Variants in ADAMTSL1 observed in about 807,000 individuals in gnomAD.
ADAMTSL1 encodes the protein ADAMTS-like protein 1.
In ADAMTSL1, 126 loss-of-function variants were observed where a neutral mutation model predicts 201.8. That is an observed-to-expected ratio of 0.62 (90% CI 0.54 to 0.72). The LOEUF is 0.72. ADAMTSL1 is among the 30% of genes least tolerant of loss of function. The pLI is 0.00. For synonymous variants in ADAMTSL1, 1,121 were observed against 903.4 expected (o/e 1.24, Z -4.32); for missense variants, 2,679 against 2,277.8 (o/e 1.18, Z -3.59).
At chr9:18,254,004 C>T (rs528353282) in intron 2 of ADAMTSL1, among the ~76,000 whole-genome samples, 1 of 152,300 alleles carries the variant, frequency 6.6e-6, no homozygotes, top group South Asian at 2.1e-4. Flanking sequence ...TGTGTGCAAC[C>T]TGCCACTGTA....
At chr9:18,386,956 G>A (rs1156545477) in intron 2 of ADAMTSL1, among the ~76,000 whole-genome samples, 1 of 152,000 alleles carries the variant, frequency 6.6e-6, no homozygotes, top group Non-Finnish European at 1.5e-5. Flanking sequence ...AAAAATCAAG[G>A]TGTCCAAGAA....
chr9:17,945,623 A>G (rs1827431418), intron 1 of ADAMTSL1, among the ~76,000 whole-genome samples: 1 of 152,324 alleles, frequency 6.6e-6, no homozygotes, highest in South Asian at 2.1e-4. Flanking sequence ...ACACCATGGA[A>G]TACTATGCAG....
chr9:18,670,081 C>A (rs72688669), intron 9 of ADAMTSL1, among the ~76,000 whole-genome samples: 2 of 152,128 alleles, frequency 1.3e-5, no homozygotes, highest in Admixed American at 1.3e-4. Context: ...TTCTATTGCC[C>A]TGAGGTTGTC....
At position 18,402,277 on chromosome 9, in the gene ADAMTSL1, C is replaced by T. The variant is rs544842704; in HGVS notation, c.208-102552C>T. 3.3e-5 allele frequency among the ~76,000 whole-genome samples: 5 copies of T among 152,296 alleles called. No individual in the cohort carries two copies. The East Asian group carries it at 5.8e-4, about 18-fold the overall frequency. On this transcript the variant is annotated intron_variant, in intron 2 of 29. Transcript: ENST00000680146. The stretch of plus-strand genomic sequence containing the variant: ...CCCTTTAAGCCTGACTTGTACTTTG[C>T]GCTTCTCATTTAATTGGTCAATAAA...
At position 18,560,811 on chromosome 9, in the gene ADAMTSL1, C is replaced by A. The variant is rs150395900; in HGVS notation, c.238-13219C>A. Among the ~76,000 whole-genome samples the A allele has an allele frequency of 2.2e-3, 330 of 151,958 alleles. 1 individual carries two copies. Among genetic ancestry groups the A allele is most frequent in the Middle Eastern group, 0.02 (6 of 294 alleles). Reference sequence around the variant, plus strand: ...TTTGCATACAGGTGTTTACAGTATTCTCTGATGGTAGTTTGTATTTCTGTG... The same window carrying A: ...TTTGCATACAGGTGTTTACAGTATTATCTGATGGTAGTTTGTATTTCTGTG... On this transcript the variant is annotated intron_variant, in intron 3 of 28. Coordinates refer to ENST00000380548, the MANE Select transcript of ADAMTSL1 (RefSeq NM_001040272.6).
chr9:18,697,646 A>G (rs1831638066), intron 13 of ADAMTSL1, among the ~76,000 whole-genome samples: 2 of 152,246 alleles, frequency 1.3e-5, no homozygotes, highest in African/African-American at 4.8e-5. Context: ...ATGGAAATGG[A>G]GAGAAGTAAA....
intron 2 of ADAMTSL1, among the ~76,000 whole-genome samples, chr9:18,252,850 C>G (rs890557143): frequency 2.6e-5 from 4 of 152,136 alleles, no homozygotes; most frequent in African/African-American, 9.7e-5. Flanking sequence ...ATAAAATTTA[C>G]AAATACATAT....
intron 20 of ADAMTSL1, among the ~76,000 whole-genome samples, chr9:18,816,304 T>A (rs1823844685): frequency 6.6e-6 from 1 of 152,238 alleles, no homozygotes; most frequent in Non-Finnish European, 1.5e-5. Context: ...TGGTGTGACC[T>A]CGGCTCATTG....
intron 7 of ADAMTSL1, among the ~76,000 whole-genome samples, chr9:18,652,108 C>G (rs972874592): frequency 6.6e-6 from 1 of 151,948 alleles, no homozygotes; most frequent in African/African-American, 2.4e-5. Context: ...TAGATATGCA[C>G]TACAAGCTAA....
rs146866685 is a variant in ADAMTSL1, at chr9:18,099,738, C to T, written c.88-64124C>T. Among the ~76,000 whole-genome samples the T allele has an allele frequency of 8.9e-4, 134 of 150,356 alleles. No homozygotes were observed. In the East Asian group the frequency reaches 0.02, roughly 22 times the overall value. On this transcript the variant is annotated intron_variant, in intron 1 of 29. Transcript: ENST00000680146. ...CTGCAAGCTCTGCCTCCCGGGTTCA[C>T]GCCATTCTCTTGCCTCAGCCTCCCA...
intron 1 of ADAMTSL1, among the ~76,000 whole-genome samples, chr9:18,061,434 A>T (rs1251127176): frequency 6.6e-6 from 1 of 152,100 alleles, no homozygotes; most frequent in East Asian, 1.9e-4. Flanking sequence ...GGTACTATGA[A>T]CTCTTTCTCT....
intron 15 of ADAMTSL1, among the ~76,000 whole-genome samples, chr9:18,739,944 T>C (rs1818724298): frequency 6.6e-6 from 1 of 151,440 alleles, no homozygotes; most frequent in African/African-American, 2.4e-5. Flanking sequence ...TCCCCAGCCC[T>C]GAGGGAATTA....
At chr9:18,134,538 G>A (rs1826077417) in intron 1 of ADAMTSL1, among the ~76,000 whole-genome samples, 2 of 152,196 alleles carry the variant, frequency 1.3e-5, no homozygotes, top group African/African-American at 4.8e-5. Flanking sequence ...TGAGTTAAGT[G>A]GTAATCATCC....
chr9:18,870,612 T>C (rs773342035), intron 23 of ADAMTSL1, among the ~76,000 whole-genome samples: 5 of 152,132 alleles, frequency 3.3e-5, no homozygotes, highest in Non-Finnish European at 7.3e-5. Flanking sequence ...CTCTGACCTC[T>C]GAAATCACAA....
At chr9:18,623,371 T>G (rs1258502516) in intron 5 of ADAMTSL1, among the ~76,000 whole-genome samples, 3 of 152,328 alleles carry the variant, frequency 2.0e-5, no homozygotes, top group Non-Finnish European at 4.4e-5. Flanking sequence ...ATGAGATAAC[T>G]GAAGCTTAGC....
chr9:18,209,934 C>A lies in ADAMTSL1; in HGVS notation c.207+45953C>A, dbSNP rs560227063. 3.3e-5 allele frequency among the ~76,000 whole-genome samples: 5 copies of A among 152,154 alleles called. No individual in the cohort carries two copies. The South Asian group carries it at 6.2e-4, about 19-fold the overall frequency. Reference sequence around the variant, plus strand: ...GCTGAGGATCTCAACAATAGATGTGCCTTGCCAGTACAGAATGCATGGAAT... The same window carrying A: ...GCTGAGGATCTCAACAATAGATGTGACTTGCCAGTACAGAATGCATGGAAT... On this transcript the variant is annotated intron_variant, in intron 2 of 29. Coordinates refer to the ADAMTSL1 transcript ENST00000680146.
At chr9:18,896,354 C>G (rs1014470387) in intron 26 of ADAMTSL1, among the ~76,000 whole-genome samples, 1 of 152,142 alleles carries the variant, frequency 6.6e-6, no homozygotes, top group Non-Finnish European at 1.5e-5. Context: ...TTCTCAATAA[C>G]TTTATAAACT....
intron 2 of ADAMTSL1, among the ~76,000 whole-genome samples, chr9:18,382,537 T>G (rs1465401740): frequency 1.3e-5 from 2 of 151,916 alleles, no homozygotes; most frequent in Non-Finnish European, 2.9e-5. Context: ...GAGGAATGTT[T>G]GTTTTGGAGA....
chr9:18,329,057 A>G (rs1186221117), intron 2 of ADAMTSL1, among the ~76,000 whole-genome samples: 2 of 151,978 alleles, frequency 1.3e-5, no homozygotes, highest in African/African-American at 4.8e-5. Context: ...CAGTGTGAGG[A>G]TATTTGGAGG....
Sources: gnomAD v4.1 joint callset for allele counts (sites outside exome capture counted in the v4.1 genomes callset) on GRCh38, gnomAD v4.1.1 for gene constraint, MANE v1.5 for transcripts, NCBI Gene and HGNC (gene_info 2026-07-23, HGNC 2026-07-21) for gene names.